RNF125: variants seen among roughly 807,000 people sequenced by gnomAD.
RNF125 encodes E3 ubiquitin-protein ligase RNF125.
In RNF125, 21 loss-of-function variants were observed where a neutral mutation model predicts 26.0. That is an observed-to-expected ratio of 0.81 (90% CI 0.57 to 1.16). The LOEUF (loss-of-function observed/expected upper bound fraction) is 1.16. Ranked by LOEUF, RNF125 falls within the 50% of genes most tolerant of loss-of-function variation. RNF125 has a pLI of 0.00. For missense variants in RNF125, 270 were observed against 299.4 expected, an observed-to-expected ratio of 0.90 and a Z score of 0.72; for synonymous variants, 95 against 109.2, an observed-to-expected ratio of 0.87 and a Z score of 0.81.
intron 4 of RNF125, among the ~76,000 whole-genome samples, chr18:32,058,547 C>T (rs569953832): frequency 3.4e-4 from 52 of 152,048 alleles, no homozygotes; most frequent in Admixed American, 2.6e-3. Flanking sequence ...GGTTTCACCA[C>T]GTTGGTTAGG....
chr18:32,052,911 C>T (rs2039342600), intron 4 of RNF125, among the ~76,000 whole-genome samples: 1 of 152,150 alleles, frequency 6.6e-6, no homozygotes, highest in South Asian at 2.1e-4. Context: ...CAACTGAAAT[C>T]CCTCAACAGT....
Position 32,069,337 on chromosome 18 carries a change from AAT to A in RNF125, c.*956_*957del, listed in dbSNP as rs2039513741. The A allele has an allele frequency of 6.6e-6, 1 of 152,180 alleles. No homozygotes were observed. The highest frequency in any genetic ancestry group is 1.5e-5 in the Non-Finnish European group (1 of 68,038). 9.4% of individuals were successfully genotyped at this position (152,180 alleles called of 1,614,324 possible). A position where few individuals can be genotyped will look rare whatever the true frequency, so the allele number is the denominator to read the frequency against. Reference sequence around the variant, plus strand: ...ATACATAAGAATTCAATATTTTTCAAATATTTATAGCTTATTTAGAAATATTT... The same window carrying A: ...ATACATAAGAATTCAATATTTTTCAAATTTATAGCTTATTTAGAAATATTT... On this transcript the variant is annotated 3_prime_UTR_variant, in exon 6 of 6. Transcript: ENST00000217740.
chr18:32,076,796 C>G (rs1156678946), downstream of RNF125, among the ~76,000 whole-genome samples: 2 of 152,104 alleles, frequency 1.3e-5, no homozygotes, highest in Non-Finnish European at 2.9e-5. Flanking sequence ...CATCTTGGCA[C>G]TTTCTATTCC....
At chr18:32,023,760 C>T (rs548123004) in intron 1 of RNF125, among the ~76,000 whole-genome samples, 3 of 152,270 alleles carry the variant, frequency 2.0e-5, no homozygotes, top group African/African-American at 7.2e-5. Flanking sequence ...TTATTTTGCT[C>T]ACAAAAGTAT....
At chr18:32,065,689 C>T (rs572649383) in intron 4 of RNF125, among the ~76,000 whole-genome samples, 2 of 152,234 alleles carry the variant, frequency 1.3e-5, no homozygotes, top group African/African-American at 4.8e-5. Context: ...CGTACCACCA[C>T]GCCCAGCTAA....
At chr18:32,058,135 A>T (rs936565349) in intron 4 of RNF125, among the ~76,000 whole-genome samples, 47 of 129,514 alleles carry the variant, frequency 3.6e-4, no homozygotes, top group Non-Finnish European at 5.6e-5. Flanking sequence ...CCATCTCTAA[A>T]AAAAAAAAAA....
At chr18:32,090,245 C>CAAAAGAA in the RNF125 span, among the ~76,000 whole-genome samples, 1 of 151,700 alleles carries the variant, frequency 6.6e-6, no homozygotes, top group Non-Finnish European at 1.5e-5. Context: ...GATTCTGTCT[C>CAAAAGAA]AAAAGAAAAA....
At chr18:32,040,273 T>C (rs868115158) in intron 2 of RNF125, among the ~76,000 whole-genome samples, 147 of 140,222 alleles carry the variant, frequency 1.0e-3, no homozygotes, top group Middle Eastern at 3.5e-3. Context: ...TTCTTTCTTT[T>C]TTTTTTTTTT....
downstream of RNF125, among the ~76,000 whole-genome samples, chr18:32,077,221 T>C (rs570473491): frequency 2.0e-5 from 3 of 151,858 alleles, no homozygotes; most frequent in African/African-American, 4.8e-5. Context: ...CAGCATGAAG[T>C]AGAAGGATTG....
chr18:32,074,535 T>G (rs2039556522), downstream of RNF125, among the ~76,000 whole-genome samples: 4 of 152,000 alleles, frequency 2.6e-5, no homozygotes, highest in South Asian at 2.1e-4. Context: ...CATGGTAGTA[T>G]TTTCTTTTTC....
intron 1 of RNF125, among the ~76,000 whole-genome samples, chr18:32,028,318 A>T (rs1299591230): frequency 6.6e-6 from 1 of 150,430 alleles, no homozygotes. Context: ...AAAAAAAAAA[A>T]AAAAAAATAA....
At chr18:32,050,942 C>T (rs560808620) in intron 4 of RNF125, among the ~76,000 whole-genome samples, 10 of 114,498 alleles carry the variant, frequency 8.7e-5, no homozygotes, top group African/African-American at 3.0e-4. Context: ...GGCTGAGTCT[C>T]GAACTTGTGA....
chr18:32,040,556 T>C (rs1229134531), intron 2 of RNF125, among the ~76,000 whole-genome samples: 1 of 152,108 alleles, frequency 6.6e-6, no homozygotes, highest in East Asian at 1.9e-4. Context: ...AGGCGTGAGC[T>C]ACCACGCCCA....
chr18:32,042,119 A>C lies in RNF125; in HGVS notation c.319-60A>C, dbSNP rs1364413780. 2.5e-6 allele frequency: 3 copies of C among 1,214,370 alleles called. No individual in the cohort carries two copies. In the East Asian group the frequency reaches 7.4e-5, roughly 30 times the overall value. The allele number at this position is 1,214,370 out of a possible 1,614,324, so 75.2% of individuals were successfully genotyped here. ...CTTGAAAGTTAAAAGGCTGGATCGCATAAGCTTTCATTGAGCCCTTTTTTA... is the reference window on the plus strand; with the variant it reads ...CTTGAAAGTTAAAAGGCTGGATCGCCTAAGCTTTCATTGAGCCCTTTTTTA... On this transcript the variant is annotated intron_variant, in intron 2 of 5. Transcript: ENST00000217740.
chr18:32,071,030 T>C lies in RNF125; in HGVS notation c.*2646T>C, dbSNP rs1026432528. 3.9e-5 allele frequency: 6 copies of C among 152,202 alleles called. No homozygotes were observed. Among genetic ancestry groups the C allele is most frequent in the African/African-American group, 1.4e-4 (6 of 41,434 alleles). 9.4% of individuals were successfully genotyped at this position (152,202 alleles called of 1,614,324 possible). A position where few individuals can be genotyped will look rare whatever the true frequency, so the allele number is the denominator to read the frequency against. ...CCCAATTTTTAAAATAGTTATACTA[T>C]GTCAACATTTTCAGAACATACTGGT... On this transcript the variant is annotated 3_prime_UTR_variant, in exon 6 of 6. Transcript: ENST00000217740.
chr18:32,018,831 T>G lies in RNF125; in HGVS notation c.-33T>G. ...AAACAACCCTGCGGCAGGCACTGAG[T>G]GCTTCGCAGCTGTCTGGGCGAGAGG... is the stretch of plus-strand genomic sequence containing the variant. On this transcript the variant is annotated 5_prime_UTR_variant, in exon 1 of 6. Coordinates refer to ENST00000217740, the MANE Select transcript of RNF125 (RefSeq NM_017831.4). The G allele has an allele frequency of 2.0e-6, 3 of 1,520,556 alleles. No individual in the cohort carries two copies. Among genetic ancestry groups the G allele is most frequent in the Non-Finnish European group, 8.8e-7 (1 of 1,134,638 alleles). 94.2% of individuals were successfully genotyped at this position (1,520,556 alleles called of 1,614,324 possible).
chr18:32,021,503 T>G (rs557393454), intron 1 of RNF125, among the ~76,000 whole-genome samples: 2 of 152,326 alleles, frequency 1.3e-5, no homozygotes, highest in African/African-American at 4.8e-5. Flanking sequence ...TAACATAATA[T>G]CCACAGGCCA....
At chr18:32,028,754 A>G (rs2039064923) in intron 1 of RNF125, among the ~76,000 whole-genome samples, 1 of 151,762 alleles carries the variant, frequency 6.6e-6, no homozygotes, top group Admixed American at 6.6e-5. Flanking sequence ...GGGTTTTGCT[A>G]TGTTGGCCAG....
chr18:32,052,718 A>G (rs2144496245), intron 4 of RNF125, among the ~76,000 whole-genome samples: 1 of 152,202 alleles, frequency 6.6e-6, no homozygotes, highest in Middle Eastern at 3.4e-3. Flanking sequence ...CGGAGTGTCC[A>G]TTATCATAGA....
Sources: allele counts gnomAD v4.1 joint callset (sites outside exome capture counted in the v4.1 genomes callset), GRCh38; gene constraint gnomAD v4.1.1; transcripts MANE v1.5; gene names NCBI Gene and HGNC (gene_info 2026-07-23, HGNC 2026-07-21).